The following BANF2 variants were observed in gnomAD, a reference collection of about 807,000 sequenced individuals.
BANF2 encodes barrier-to-autointegration factor-like protein.
BANF2 carries 4 observed loss-of-function variants against 8.0 expected under a neutral mutation model. The observed-to-expected ratio is 0.50, with a 90% CI of 0.25 to 1.14. BANF2 has a LOEUF of 1.14. Ranked by LOEUF, BANF2 falls within the 50% of genes most tolerant of loss-of-function variation. The pLI is 0.16. For missense variants in BANF2, 96 were observed against 107.5 expected (o/e 0.89, Z 0.47); for synonymous variants, 50 against 40.6 (o/e 1.23, Z -0.88).
chr20:17,725,695 T>C (rs2037798920), intron 3 of BANF2, among the ~76,000 whole-genome samples: 1 of 152,192 alleles, frequency 6.6e-6, no homozygotes, highest in Non-Finnish European at 1.5e-5. Flanking sequence ...TTATGGGGCT[T>C]TTAAAAAGCT....
At chr20:17,700,803 C>G (rs13045798) in intron 1 of BANF2, among the ~76,000 whole-genome samples, 16,364 of 152,218 alleles carry the variant, frequency 0.11, 940 homozygotes, top group East Asian at 0.15. Context: ...CTATAACAAA[C>G]AGTAGGGACC....
At chr20:17,725,443 G>A (rs1005428493) in intron 3 of BANF2, among the ~76,000 whole-genome samples, 2 of 152,220 alleles carry the variant, frequency 1.3e-5, no homozygotes, top group South Asian at 2.1e-4. Context: ...TAGGTCAGCC[G>A]CCGGGGTCTG....
chr20:17,723,336 G>C (rs2037759050), intron 2 of BANF2, among the ~76,000 whole-genome samples: 1 of 152,322 alleles, frequency 6.6e-6, no homozygotes, highest in Non-Finnish European at 1.5e-5. Flanking sequence ...TGTTTCTTTG[G>C]GGGAGAGGGC....
At chr20:17,719,470 G>GCCT (rs2037699549) in intron 1 of BANF2, among the ~76,000 whole-genome samples, 1 of 151,948 alleles carries the variant, frequency 6.6e-6, no homozygotes, top group Non-Finnish European at 1.5e-5. Context: ...ACCTTCTTAG[G>GCCT]CCTTGGTTTT....
At chr20:17,694,032 A>G (rs970499814) in intron 1 of BANF2, among the ~76,000 whole-genome samples, 1 of 152,214 alleles carries the variant, frequency 6.6e-6, no homozygotes, top group Non-Finnish European at 1.5e-5. Context: ...CCTTGTTGCG[A>G]TGAATTGGCA....
intron 1 of BANF2, among the ~76,000 whole-genome samples, chr20:17,704,366 C>T (rs951977288): frequency 5.3e-5 from 8 of 152,338 alleles, no homozygotes; most frequent in South Asian, 2.1e-4. Context: ...CTCCAAGAGA[C>T]GTCAAAGCTG....
At chr20:17,697,546 G>C (rs1338345446), upstream of BANF2, among the ~76,000 whole-genome samples, 1 of 152,226 alleles carries the variant, frequency 6.6e-6, no homozygotes, top group East Asian at 1.9e-4. Context: ...AACTTACAAA[G>C]AACAGACATC....
At chr20:17,732,069 A>T (rs978766462) in intron 3 of BANF2, among the ~76,000 whole-genome samples, 2 of 152,014 alleles carry the variant, frequency 1.3e-5, no homozygotes, top group Non-Finnish European at 2.9e-5. Flanking sequence ...TCGTCAAAAA[A>T]AAAAAAGAAA....
At chr20:17,693,866 A>G (rs1463206491) in intron 1 of BANF2, among the ~76,000 whole-genome samples, 2 of 152,194 alleles carry the variant, frequency 1.3e-5, no homozygotes, top group African/African-American at 2.4e-5. Context: ...CAGGCAGCAC[A>G]ATGCCCTCCT....
At chr20:17,726,103 G>T (rs928062060) in intron 3 of BANF2, among the ~76,000 whole-genome samples, 2 of 152,220 alleles carry the variant, frequency 1.3e-5, no homozygotes, top group Admixed American at 1.3e-4. Context: ...GGGTAGATTG[G>T]ATTCTTTCCT....
Position 17,732,068 on chromosome 20 carries a change from AAAAAAAAG to A in BANF2, c.127-3588_127-3581del, listed in dbSNP as rs1459180688. On this transcript the variant is annotated intron_variant, in intron 3 of 3. Coordinates refer to ENST00000246090, the MANE Select transcript of BANF2 (RefSeq NM_178477.5). ...GCAACAGAGGGAGACGTCGTCAAAA[AAAAAAAAG>A]AAAAAAAGGAAAACTAATAAAAAAA... Among the ~76,000 whole-genome samples the A allele has an allele frequency of 2.0e-5, 3 of 152,082 alleles. No homozygotes were observed. In the South Asian group the frequency reaches 6.2e-4, roughly 31 times the overall value.
intron 1 of BANF2, among the ~76,000 whole-genome samples, chr20:17,709,466 C>G (rs1268098762): frequency 1.3e-5 from 2 of 152,196 alleles, no homozygotes; most frequent in Admixed American, 6.5e-5. Flanking sequence ...GCACGTGGGC[C>G]TTCGATATCC....
chr20:17,701,072 G>C (rs907699069), intron 1 of BANF2, among the ~76,000 whole-genome samples: 1 of 152,176 alleles, frequency 6.6e-6, no homozygotes, highest in Admixed American at 6.5e-5. Flanking sequence ...CTTAGGCTTT[G>C]CCATCCCTCC....
At chr20:17,698,218 A>AAAT (rs1449510744), upstream of BANF2, among the ~76,000 whole-genome samples, 8 of 136,246 alleles carry the variant, frequency 5.9e-5, no homozygotes, top group Admixed American at 1.7e-4. Flanking sequence ...CAAAAATAAA[A>AAAT]AATAATAATA....
intron 1 of BANF2, chr20:17,712,042 G>A (rs1600217766): frequency 6.5e-6 from 1 of 152,910 alleles, no homozygotes; most frequent in East Asian, 1.9e-4. Flanking sequence ...AGGCAGTGGG[G>A]AGAGGGGACT....
chr20:17,723,859 G>A (rs1174404226), intron 2 of BANF2, among the ~76,000 whole-genome samples: 2 of 152,178 alleles, frequency 1.3e-5, no homozygotes, highest in African/African-American at 2.4e-5. Flanking sequence ...GCCGGGTGTG[G>A]TGGCACACAC....
upstream of BANF2, among the ~76,000 whole-genome samples, chr20:17,695,372 G>A (rs535577306): frequency 2.0e-5 from 3 of 149,432 alleles, no homozygotes; most frequent in African/African-American, 7.5e-5. Flanking sequence ...CTTGAGCCTG[G>A]GAGGTCAAGG....
rs200286931 is a variant in BANF2, at chr20:17,735,835, C to G, written c.*24C>G. ...AGACACAAACCTCATTGCTGCCCCC[C>G]ACCACCCTCTGGGGAAAATGACGCC... On this transcript the variant is annotated 3_prime_UTR_variant, in exon 4 of 4. Transcript: ENST00000246090. The G allele has an allele frequency of 3.7e-6, 6 of 1,600,596 alleles. No individual in the cohort carries two copies. Among genetic ancestry groups the G allele is most frequent in the Non-Finnish European group, 5.1e-6 (6 of 1,170,656 alleles).
At chr20:17,706,138 G>T (rs2037478696) in intron 1 of BANF2, among the ~76,000 whole-genome samples, 1 of 152,240 alleles carries the variant, frequency 6.6e-6, no homozygotes, top group African/African-American at 2.4e-5. Context: ...GCCAAATCCG[G>T]AGAGTCAGCA....
Sources: allele counts gnomAD v4.1 joint callset (sites outside exome capture counted in the v4.1 genomes callset), GRCh38; gene constraint gnomAD v4.1.1; transcripts MANE v1.5; gene names NCBI Gene and HGNC (gene_info 2026-07-23, HGNC 2026-07-21).